OVCH1: variants seen among roughly 807,000 people sequenced by gnomAD.
The protein encoded by OVCH1 is ovochymase-1.
Under a neutral mutation model 138.4 loss-of-function variants are expected in OVCH1, and 139 were observed. The observed-to-expected ratio is 1.00, with a 90% CI of 0.87 to 1.16. OVCH1 has a LOEUF of 1.16. OVCH1 is among the 50% of genes most tolerant of loss of function. OVCH1 has a pLI of 0.00. For synonymous variants in OVCH1, 453 were observed against 467.8 expected (o/e 0.97, Z 0.41); for missense variants, 1,367 against 1,357.9 (o/e 1.01, Z -0.11).
Position 29,491,086 on chromosome 12 carries a change from G to T in OVCH1, c.550+11C>A. The T allele has an allele frequency of 6.2e-7, 1 of 1,605,972 alleles. No homozygotes were observed. Among genetic ancestry groups the T allele is most frequent in the Non-Finnish European group, 8.5e-7 (1 of 1,172,908 alleles). On this transcript the variant is annotated intron_variant, in intron 5 of 27. Transcript: ENST00000318184. ...CTGGAAGAAGTATTAAGTCATTTTGGTGTCTCTTACTTTTGGAAATCTTGC... is the reference window on the plus strand; with the variant it reads ...CTGGAAGAAGTATTAAGTCATTTTGTTGTCTCTTACTTTTGGAAATCTTGC...
At position 29,489,809 on chromosome 12, in the gene OVCH1, C is replaced by T. The variant is rs1565613480; in HGVS notation, c.551-38G>A. The T allele has an allele frequency of 1.9e-6, 3 of 1,576,924 alleles. No homozygotes were observed. The Admixed American group carries it at 5.3e-5, about 28-fold the overall frequency. On this transcript the variant is annotated intron_variant, in intron 5 of 27. Transcript: ENST00000318184. ...GACAGATAAGTTAGCACACAATATCCTCATGGAAACAAATTAATGGGAAGT... is the reference window on the plus strand; with the variant it reads ...GACAGATAAGTTAGCACACAATATCTTCATGGAAACAAATTAATGGGAAGT...
In OVCH1 at chr12:29,486,349, C is replaced by G. The variant is rs768488267; in HGVS notation, c.893-1G>C. 7 of 1,607,684 alleles carry G rather than the reference C, an allele frequency of 4.4e-6. No homozygotes were observed. The African/African-American group carries it at 9.4e-5, about 22-fold the overall frequency. ...GAGAGGGGTTGGCCCCGATCCAAACCTGTAAAAGGTATAAGGAGTTAGTGC... is the reference window on the plus strand; with the variant it reads ...GAGAGGGGTTGGCCCCGATCCAAACGTGTAAAAGGTATAAGGAGTTAGTGC... On this transcript the variant is annotated splice_acceptor_variant, in intron 7 of 27. Coordinates refer to ENST00000318184, the Ensembl canonical transcript of OVCH1. LOFTEE classifies it high-confidence loss of function.
At chr12:29,489,721 C>T (rs1471156933) in exon 6 of OVCH1, 1 of 1,610,602 alleles carries the variant, frequency 6.2e-7, no homozygotes, top group Non-Finnish European at 8.5e-7. Flanking sequence ...CACGCTCTGT[C>T]ATCCATGATG....
chr12:29,441,995 G>T (rs71453738), intron 25 of OVCH1, among the ~76,000 whole-genome samples: 7 of 151,876 alleles, frequency 4.6e-5, no homozygotes, highest in Non-Finnish European at 8.8e-5. Context: ...AGGATGTGGA[G>T]AAATAGGAAC....
downstream of OVCH1, among the ~76,000 whole-genome samples, chr12:29,423,472 T>A (rs1265100883): frequency 1.3e-5 from 2 of 152,112 alleles, no homozygotes; most frequent in South Asian, 4.1e-4. Flanking sequence ...AGTGCCACAA[T>A]GGAAGAGTAT....
chr12:29,408,930 T>C (rs1940917488), downstream of OVCH1, among the ~76,000 whole-genome samples: 1 of 152,202 alleles, frequency 6.6e-6, no homozygotes, highest in African/African-American at 2.4e-5. Context: ...TGTGAATCCA[T>C]CTGGTCCTGG....
chr12:29,454,798 T>G (rs1941898065), intron 21 of OVCH1, 43 bp downstream of exon 21: 1 of 1,525,920 alleles, frequency 6.6e-7, no homozygotes, highest in Non-Finnish European at 9.0e-7. Context: ...TCTTGCCAAA[T>G]TCTGGCTGAA....
intron 3 of OVCH1, among the ~76,000 whole-genome samples, chr12:29,413,661 T>TAC (rs34675791): frequency 0.24 from 35,287 of 149,024 alleles, 4,808 homozygotes; most frequent in Middle Eastern, 0.42. Flanking sequence ...CTGTGTGTAT[T>TAC]ACACACATAC....
At chr12:29,433,977 G>A (rs924869102) in intron 26 of OVCH1, among the ~76,000 whole-genome samples, 1 of 151,786 alleles carries the variant, frequency 6.6e-6, no homozygotes, top group Non-Finnish European at 1.5e-5. Context: ...AGTACTGAGG[G>A]AATTCTAATA....
chr12:29,427,980 A>C (rs1941206467), intron 27 of OVCH1, among the ~76,000 whole-genome samples: 1 of 152,196 alleles, frequency 6.6e-6, no homozygotes, highest in Non-Finnish European at 1.5e-5. Context: ...AGTTTGGAGA[A>C]TATTAAAGAG....
At chr12:29,457,191 G>A (rs978266903) in intron 19 of OVCH1, among the ~76,000 whole-genome samples, 1 of 151,924 alleles carries the variant, frequency 6.6e-6, no homozygotes, top group African/African-American at 2.4e-5. Context: ...GTTTCCAGTT[G>A]GACAATGGTC....
At chr12:29,483,852 A>T (rs1565607689) in intron 8 of OVCH1, among the ~76,000 whole-genome samples, 1 of 151,434 alleles carries the variant, frequency 6.6e-6, no homozygotes, top group South Asian at 2.1e-4. Context: ...CTTTTCCACT[A>T]TAACATTTAT....
At chr12:29,423,404 A>G (rs999774801), downstream of OVCH1, 7 of 394,720 alleles carry the variant, frequency 1.8e-5, no homozygotes, top group African/African-American at 1.0e-4. Context: ...TGATATTAAC[A>G]AAAGAATGAT....
chr12:29,486,179 ATCC>A (rs1943099401), intron 8 of OVCH1, 68 bp downstream of exon 8: 2 of 1,374,354 alleles, frequency 1.5e-6, no homozygotes, highest in Admixed American at 1.7e-5. Context: ...ATATGGTACA[ATCC>A]TCCTGTTTGC....
chr12:29,474,993 G>A lies in OVCH1; in HGVS notation c.1600+68C>T. ...GCTATACTACATTGAGGTAAACATGGCTAAATTATCTTCCCTGTAACCATT... is the reference window on the plus strand; with the variant it reads ...GCTATACTACATTGAGGTAAACATGACTAAATTATCTTCCCTGTAACCATT... On this transcript the variant is annotated intron_variant, in intron 14 of 27. Coordinates refer to ENST00000318184, the Ensembl canonical transcript of OVCH1. 3 of 1,490,714 alleles carry A rather than the reference G, an allele frequency of 2.0e-6. No homozygotes were observed. The South Asian group carries it at 3.8e-5, about 19-fold the overall frequency. The allele number at this position is 1,490,714 out of a possible 1,614,324, so 92.3% of individuals were successfully genotyped here.
chr12:29,482,687 T>G (rs993488627), intron 8 of OVCH1, among the ~76,000 whole-genome samples: 2 of 152,242 alleles, frequency 1.3e-5, no homozygotes, highest in African/African-American at 4.8e-5. Context: ...CCTACAGTTC[T>G]GCTCAGTTCA....
At chr12:29,409,480 T>C (rs1249197744), downstream of OVCH1, among the ~76,000 whole-genome samples, 3 of 152,060 alleles carry the variant, frequency 2.0e-5, no homozygotes, top group African/African-American at 7.2e-5. Context: ...CTGCTTTGAA[T>C]GTGTCCCAGA....
chr12:29,497,074 CA>C (rs759145950), intron 1 of OVCH1, among the ~76,000 whole-genome samples: 33 of 152,230 alleles, frequency 2.2e-4, no homozygotes, highest in Admixed American at 3.9e-4. Flanking sequence ...AGGTCAGAAC[CA>C]TGGGCAACAT....
chr12:29,461,641 C>T (rs1022755853), intron 19 of OVCH1: 41 of 633,610 alleles, frequency 6.5e-5, no homozygotes, highest in South Asian at 1.0e-4. Flanking sequence ...CGGCCTTTGT[C>T]GCTGTACAGC....
Sources: gnomAD v4.1 joint callset for allele counts (sites outside exome capture counted in the v4.1 genomes callset) on GRCh38, gnomAD v4.1.1 for gene constraint, MANE v1.5 for transcripts, NCBI Gene and HGNC (gene_info 2026-07-23, HGNC 2026-07-21) for gene names.